The following RARB variants were observed in gnomAD, a reference collection of about 807,000 sequenced individuals.
RARB encodes the protein HBV-activated protein.
RARB carries 17 observed loss-of-function variants against 51.9 expected under a neutral mutation model. The ratio of observed to expected loss-of-function variants is 0.33; its 90% CI spans 0.22 to 0.49. The LOEUF is 0.49. Ranked by LOEUF, RARB falls within the 20% of genes least tolerant of loss-of-function variation. The pLI, the probability that RARB is intolerant of heterozygous loss-of-function variation, is 0.99. For synonymous variants in RARB, 215 were observed against 195.4 expected, an observed-to-expected ratio of 1.10 and a Z score of -0.84; for missense variants, 369 against 550.8, an observed-to-expected ratio of 0.67 and a Z score of 3.30.
chr3:25,138,044 A>C (rs1700057786), intron 4 of RARB, among the ~76,000 whole-genome samples: 1 of 152,112 alleles, frequency 6.6e-6, no homozygotes, highest in Non-Finnish European at 1.5e-5. Flanking sequence ...TGAAGAGATA[A>C]AAGTCTAGCA....
intron 1 of RARB, among the ~76,000 whole-genome samples, chr3:25,434,882 C>T (rs923497445): frequency 1.3e-5 from 2 of 152,236 alleles, no homozygotes; most frequent in East Asian, 3.9e-4. Flanking sequence ...TCCCCATCTG[C>T]ATCAGATGAC....
Position 25,057,053 on chromosome 3 carries a change from A to G in RARB, c.-379-3072A>G, listed in dbSNP as rs534952553. Among the ~76,000 whole-genome samples, 3 of 152,222 alleles carry G rather than the reference A, an allele frequency of 2.0e-5. No homozygotes were observed. The South Asian group carries it at 6.2e-4, about 32-fold the overall frequency. Reference sequence around the variant, plus strand: ...TCCCATGTTCCTTGGGATTTCTGCCATGATTCATCATCCATAATCAGGTAG... The same window carrying G: ...TCCCATGTTCCTTGGGATTTCTGCCGTGATTCATCATCCATAATCAGGTAG... On this transcript the variant is annotated intron_variant, in intron 2 of 11. Coordinates refer to the RARB transcript ENST00000383772.
intron 5 of RARB, among the ~76,000 whole-genome samples, chr3:25,586,564 G>A (rs758774502): frequency 8.5e-5 from 13 of 152,192 alleles, no homozygotes; most frequent in Non-Finnish European, 1.5e-4. Context: ...CAAGACACAC[G>A]GCTTCCTGAG....
chr3:25,251,285 G>T (rs992239729), intron 5 of RARB, among the ~76,000 whole-genome samples: 3 of 151,830 alleles, frequency 2.0e-5, no homozygotes, highest in East Asian at 3.9e-4. Context: ...TGGGCATTTG[G>T]ATTGTTTCTA....
intron 2 of RARB, among the ~76,000 whole-genome samples, chr3:25,028,448 T>A (rs1374710202): frequency 6.6e-6 from 1 of 152,202 alleles, no homozygotes; most frequent in African/African-American, 2.4e-5. Context: ...TTCCTGGGAC[T>A]CCACTGGAGG....
intron 5 of RARB, among the ~76,000 whole-genome samples, chr3:25,198,318 A>G (rs1358456755): frequency 6.6e-6 from 1 of 151,974 alleles, no homozygotes; most frequent in Admixed American, 6.6e-5. Flanking sequence ...ACTATGAAAC[A>G]GCTAAAAGAA....
chr3:25,005,532 T>G (rs111347846), intron 2 of RARB, among the ~76,000 whole-genome samples: 37 of 152,210 alleles, frequency 2.4e-4, no homozygotes, highest in African/African-American at 8.4e-4. Flanking sequence ...ATAAGTGCCC[T>G]CACAATGTGG....
intron 3 of RARB, among the ~76,000 whole-genome samples, chr3:25,109,748 C>A (rs1225292855): frequency 6.6e-6 from 1 of 152,106 alleles, no homozygotes; most frequent in African/African-American, 2.4e-5. Flanking sequence ...GTTACGTCAG[C>A]CATGCTTCTT....
At chr3:25,463,411 T>C (rs1162568249) in intron 2 of RARB, among the ~76,000 whole-genome samples, 2 of 151,712 alleles carry the variant, frequency 1.3e-5, no homozygotes, top group Non-Finnish European at 2.9e-5. Context: ...ACACCTGTAA[T>C]CCCAGCACTT....
chr3:25,387,964 A>T (rs1170433852), intron 5 of RARB, among the ~76,000 whole-genome samples: 1 of 152,116 alleles, frequency 6.6e-6, no homozygotes, highest in Non-Finnish European at 1.5e-5. Context: ...TAGAGGCATA[A>T]ATCACTAAGG....
At chr3:25,482,686 CG>C (rs1287595951) in intron 2 of RARB, among the ~76,000 whole-genome samples, 1 of 151,530 alleles carries the variant, frequency 6.6e-6, no homozygotes, top group Non-Finnish European at 1.5e-5. Context: ...ACTACAGGCG[CG>C]TGCCACCATG....
At chr3:25,255,267 A>C (rs1244905365) in intron 5 of RARB, among the ~76,000 whole-genome samples, 2 of 152,176 alleles carry the variant, frequency 1.3e-5, no homozygotes, top group African/African-American at 4.8e-5. Context: ...TGTTTTTGGA[A>C]CATAAAGTGG....
intron 5 of RARB, among the ~76,000 whole-genome samples, chr3:25,188,922 T>A (rs1701037630): frequency 6.6e-6 from 1 of 152,138 alleles, no homozygotes; most frequent in South Asian, 2.1e-4. Context: ...GGAAACAGGT[T>A]GAAGCCCATT....
Position 25,461,236 on chromosome 3 carries a change from C to G in RARB, c.201C>G (p.Ser67Arg). 1 of 1,613,848 alleles carries G rather than the reference C, an allele frequency of 6.2e-7. No individual in the cohort carries two copies. Among genetic ancestry groups the G allele is most frequent in the Non-Finnish European group, 8.5e-7 (1 of 1,179,888 alleles). ...QSTSSEELVP[S>R]PPSPLPPPRV... is the part of the protein sequence containing the mutation. ...CCAGCTCTGAGGAACTCGTCCCAAG[C>G]CCCCCATCTCCACTTCCTCCCCCTC... is the stretch of plus-strand genomic sequence containing the variant. Residue 67 changes from serine to arginine, a missense_variant, in exon 2 of 8, where the codon AGC becomes AGG. By Grantham distance (110) the Ser-to-Arg change is moderately radical (BLOSUM62 -1). Coordinates refer to ENST00000330688, the MANE Select transcript of RARB (RefSeq NM_000965.5).
chr3:24,874,782 C>A (rs1293610701), intron 2 of RARB, among the ~76,000 whole-genome samples: 2 of 151,826 alleles, frequency 1.3e-5, no homozygotes, highest in Non-Finnish European at 2.9e-5. Flanking sequence ...GCAGTTACCA[C>A]AATTTTAAAT....
intron 2 of RARB, among the ~76,000 whole-genome samples, chr3:25,498,282 C>G (rs1207970159): frequency 6.6e-6 from 1 of 152,170 alleles, no homozygotes; most frequent in African/African-American, 2.4e-5. Flanking sequence ...ACCCGCCACA[C>G]ACTCTGGGTC....
intron 5 of RARB, among the ~76,000 whole-genome samples, chr3:25,335,949 T>G (rs1559362203): frequency 6.6e-6 from 1 of 152,168 alleles, no homozygotes; most frequent in Non-Finnish European, 1.5e-5. Context: ...TTTATTTGAG[T>G]ATTATCCATC....
At chr3:25,102,317 G>C (rs950247244) in intron 3 of RARB, among the ~76,000 whole-genome samples, 5 of 151,906 alleles carry the variant, frequency 3.3e-5, no homozygotes, top group African/African-American at 1.2e-4. Flanking sequence ...GAGGCAGGTT[G>C]ATCACCTGAG....
intron 5 of RARB, among the ~76,000 whole-genome samples, chr3:25,348,364 A>T (rs575936876): frequency 6.7e-6 from 1 of 149,672 alleles, no homozygotes. Flanking sequence ...AATAATAACT[A>T]TAGTGGGAGC....
Sources: gnomAD v4.1 joint callset for allele counts (sites outside exome capture counted in the v4.1 genomes callset) on GRCh38, gnomAD v4.1.1 for gene constraint, MANE v1.5 for transcripts, NCBI Gene and HGNC (gene_info 2026-07-23, HGNC 2026-07-21) for gene names.